Variants in PPARGC1A observed in about 807,000 individuals in gnomAD.
PPARGC1A encodes the protein peroxisome proliferator-activated receptor gamma coactivator 1-alpha.
Under a neutral mutation model 88.7 loss-of-function variants are expected in PPARGC1A, and 25 were observed. That is an observed-to-expected ratio of 0.28 (90% CI 0.21 to 0.39). The LOEUF is 0.39. Ranked by LOEUF, PPARGC1A falls within the 10% of genes least tolerant of loss-of-function variation. PPARGC1A has a pLI of 1.00. For synonymous variants in PPARGC1A, 363 were observed against 355.6 expected (o/e 1.02, Z -0.24); for missense variants, 880 against 968.7 (o/e 0.91, Z 1.22).
the PPARGC1A span, among the ~76,000 whole-genome samples, chr4:24,391,476 T>C: frequency 5.9e-5 from 9 of 152,278 alleles, no homozygotes; most frequent in East Asian, 1.7e-3. Context: ...ACTTTATTGG[T>C]TCTGGTTGGA....
chr4:24,089,114 T>C, the PPARGC1A span, among the ~76,000 whole-genome samples: 3 of 152,180 alleles, frequency 2.0e-5, no homozygotes, highest in South Asian at 2.1e-4. Context: ...GTAAGAAATA[T>C]AGTACTCAGC....
the PPARGC1A span, among the ~76,000 whole-genome samples, chr4:23,966,678 A>G: frequency 6.6e-6 from 1 of 152,206 alleles, no homozygotes; most frequent in East Asian, 1.9e-4. Context: ...AGGAATGAAT[A>G]TGGACTCTCT....
the PPARGC1A span, among the ~76,000 whole-genome samples, chr4:24,055,024 G>A: frequency 1.3e-5 from 2 of 152,206 alleles, no homozygotes; most frequent in Admixed American, 1.3e-4. Context: ...TTTTACCGAT[G>A]AGGAAGTTGA....
the PPARGC1A span, among the ~76,000 whole-genome samples, chr4:24,176,840 C>A: frequency 2.0e-5 from 3 of 152,154 alleles, no homozygotes; most frequent in African/African-American, 7.2e-5. Context: ...AGCATGACAC[C>A]AGTTGGCCCT....
At chr4:24,283,005 A>C in the PPARGC1A span, among the ~76,000 whole-genome samples, 1 of 152,168 alleles carries the variant, frequency 6.6e-6, no homozygotes. Flanking sequence ...CAGCTTCAAT[A>C]ATACGGCAGT....
chr4:23,996,569 C>G, the PPARGC1A span, among the ~76,000 whole-genome samples: 1 of 152,252 alleles, frequency 6.6e-6, no homozygotes, highest in East Asian at 1.9e-4. Context: ...CGTACTTCCC[C>G]TACTCTCTCC....
chr4:24,464,308 TG>T, the PPARGC1A span, among the ~76,000 whole-genome samples: 1 of 152,258 alleles, frequency 6.6e-6, no homozygotes, highest in East Asian at 1.9e-4. Context: ...CAAGTTTATG[TG>T]GTTGTTCTCA....
chr4:23,950,058 T>C, the PPARGC1A span, among the ~76,000 whole-genome samples: 4 of 152,182 alleles, frequency 2.6e-5, no homozygotes, highest in Non-Finnish European at 5.9e-5. Context: ...CTTGGGCACT[T>C]AGAAAGGCAG....
the PPARGC1A span, chr4:24,091,426 A>G: frequency 1.0e-6 from 1 of 982,700 alleles, no homozygotes; most frequent in Middle Eastern, 5.2e-4. Flanking sequence ...AAAAGAGTTG[A>G]GAGAGATTTG....
chr4:24,164,117 T>A, the PPARGC1A span, among the ~76,000 whole-genome samples: 1 of 152,202 alleles, frequency 6.6e-6, no homozygotes, highest in African/African-American at 2.4e-5. Flanking sequence ...CCTTGCATGC[T>A]TATTTTTCTT....
the PPARGC1A span, among the ~76,000 whole-genome samples, chr4:24,054,978 C>T: frequency 6.6e-6 from 1 of 152,316 alleles, no homozygotes; most frequent in Admixed American, 6.5e-5. Flanking sequence ...TTAATCCTCC[C>T]AACAACCCTG....
the PPARGC1A span, among the ~76,000 whole-genome samples, chr4:24,243,685 G>C: frequency 6.6e-6 from 1 of 152,198 alleles, no homozygotes; most frequent in East Asian, 1.9e-4. Flanking sequence ...GGCTGAAAGA[G>C]AGATGTCAAA....
chr4:24,217,257 G>C, the PPARGC1A span, among the ~76,000 whole-genome samples: 1 of 152,192 alleles, frequency 6.6e-6, no homozygotes, highest in Admixed American at 6.5e-5. Flanking sequence ...TTGTAGCCCT[G>C]CTTCAACTAC....
At chr4:24,372,833 T>A in the PPARGC1A span, among the ~76,000 whole-genome samples, 1 of 152,174 alleles carries the variant, frequency 6.6e-6, no homozygotes, top group Non-Finnish European at 1.5e-5. Flanking sequence ...GTATACAAAG[T>A]ACAAATGCTG....
the PPARGC1A span, among the ~76,000 whole-genome samples, chr4:24,090,677 A>G: frequency 6.6e-6 from 1 of 152,170 alleles, no homozygotes; most frequent in Non-Finnish European, 1.5e-5. Context: ...AACAGAAAAA[A>G]AGCTCTGGCA....
At chr4:23,926,337 G>C in the PPARGC1A span, among the ~76,000 whole-genome samples, 1 of 152,108 alleles carries the variant, frequency 6.6e-6, no homozygotes, top group Non-Finnish European at 1.5e-5. Context: ...TGCATCTGTT[G>C]AAAAGAAGTA....
the PPARGC1A span, among the ~76,000 whole-genome samples, chr4:24,133,705 C>T: frequency 3.3e-5 from 5 of 152,068 alleles, no homozygotes; most frequent in Non-Finnish European, 5.9e-5. Flanking sequence ...CTTTCAGGAC[C>T]GCTTTTCTAG....
chr4:23,887,194 C>T (rs1031767885), intron 1 of PPARGC1A, among the ~76,000 whole-genome samples: 6 of 150,698 alleles, frequency 4.0e-5, no homozygotes, highest in Non-Finnish European at 7.4e-5. Flanking sequence ...CTCACTTGTT[C>T]GCTCGTGCGC....
At chr4:23,989,670 T>G in the PPARGC1A span, among the ~76,000 whole-genome samples, 1 of 152,014 alleles carries the variant, frequency 6.6e-6, no homozygotes, top group African/African-American at 2.4e-5. Context: ...ACATATTTAC[T>G]GTATTAAATA....
Sources: allele counts gnomAD v4.1 joint callset (sites outside exome capture counted in the v4.1 genomes callset), GRCh38; gene constraint gnomAD v4.1.1; transcripts MANE v1.5; gene names NCBI Gene and HGNC (gene_info 2026-07-23, HGNC 2026-07-21).